Variants in DPP10 observed in about 807,000 individuals in gnomAD.
DPP10 encodes the protein dipeptidyl peptidase like 10.
In DPP10, 33 loss-of-function variants were observed where a neutral mutation model predicts 120.9. That is an observed-to-expected ratio of 0.27 (90% CI 0.21 to 0.37). The LOEUF (loss-of-function observed/expected upper bound fraction) is 0.37. Ranked by LOEUF, DPP10 falls within the 10% of genes least tolerant of loss-of-function variation. The pLI, the probability that DPP10 is intolerant of heterozygous loss-of-function variation, is 1.00. For missense variants in DPP10, 816 were observed against 942.8 expected (o/e 0.87, Z 1.76); for synonymous variants, 337 against 326.1 (o/e 1.03, Z -0.36).
chr2:115,069,034 A>G (rs1009659688), intron 1 of DPP10, among the ~76,000 whole-genome samples: 1 of 151,888 alleles, frequency 6.6e-6, no homozygotes, highest in Non-Finnish European at 1.5e-5. Flanking sequence ...ATTACTTTTG[A>G]CTGTTTGGAA....
At chr2:115,580,638 G>A (rs1411613559) in intron 5 of DPP10, among the ~76,000 whole-genome samples, 3 of 151,812 alleles carry the variant, frequency 2.0e-5, no homozygotes, top group African/African-American at 7.3e-5. Context: ...TCTATCTACT[G>A]GAATATTATT....
At chr2:115,430,164 G>A (rs111835691) in intron 3 of DPP10, among the ~76,000 whole-genome samples, 10,373 of 152,106 alleles carry the variant, frequency 0.068, 454 homozygotes, top group Middle Eastern at 0.13. Context: ...TTTTTAATGA[G>A]CAGATGATTG....
intron 1 of DPP10, among the ~76,000 whole-genome samples, chr2:114,711,206 A>G (rs1701007467): frequency 1.3e-5 from 2 of 152,206 alleles, no homozygotes; most frequent in Admixed American, 6.5e-5. Flanking sequence ...GGGCATAGAC[A>G]ATAATTGTAG....
chr2:114,478,384 G>A (rs927121337), intron 1 of DPP10, among the ~76,000 whole-genome samples: 4 of 152,048 alleles, frequency 2.6e-5, no homozygotes, highest in African/African-American at 9.6e-5. Context: ...CTGCAAACAT[G>A]CACCACAAGT....
chr2:114,920,173 AAACAATCTAGCACATCCCTCTGATC>A (rs1695098928), intron 1 of DPP10, among the ~76,000 whole-genome samples: 1 of 152,202 alleles, frequency 6.6e-6, no homozygotes. Flanking sequence ...GTTATCTTGG[AAACAATCTAGCACATCCCTCTGATC>A]ATCATCTGGT....
chr2:115,004,785 TG>T (rs1701695566), intron 1 of DPP10, among the ~76,000 whole-genome samples: 1 of 151,838 alleles, frequency 6.6e-6, no homozygotes, highest in Admixed American at 6.6e-5. Flanking sequence ...GCAGCGAGGC[TG>T]GGGGAGGGGC....
chr2:114,686,043 A>G (rs1260773171), intron 1 of DPP10, among the ~76,000 whole-genome samples: 5 of 151,916 alleles, frequency 3.3e-5, no homozygotes, highest in African/African-American at 1.2e-4. Context: ...TTTCCAGTAT[A>G]GGACATGAGC....
chr2:115,472,664 C>G (rs2074807894), intron 3 of DPP10, among the ~76,000 whole-genome samples: 1 of 152,132 alleles, frequency 6.6e-6, no homozygotes, highest in Non-Finnish European at 1.5e-5. Context: ...TGCCTACCTG[C>G]CCCATTCTAC....
chr2:114,560,641 C>A (rs1688695336), intron 1 of DPP10, among the ~76,000 whole-genome samples: 1 of 151,954 alleles, frequency 6.6e-6, no homozygotes. Context: ...ACTTTCCAGT[C>A]TCACTCTGCT....
chr2:115,064,980 T>C (rs981830854), intron 1 of DPP10, among the ~76,000 whole-genome samples: 3 of 152,202 alleles, frequency 2.0e-5, no homozygotes, highest in Non-Finnish European at 4.4e-5. Context: ...TGTATGTTTA[T>C]ATTATAATTT....
In DPP10 at chr2:114,771,522, G is replaced by A. The variant is rs974959605; in HGVS notation, c.60+328684G>A. ...CTAAGCAAAGTTAGCATGTGGTTGCGTCTTCAAAGAGCACAAACGATCTTG... is the reference window on the plus strand; with the variant it reads ...CTAAGCAAAGTTAGCATGTGGTTGCATCTTCAAAGAGCACAAACGATCTTG... On this transcript the variant is annotated intron_variant, in intron 1 of 25. Coordinates refer to ENST00000410059, the MANE Select transcript of DPP10 (RefSeq NM_020868.6). Among the ~76,000 whole-genome samples, 8 of 152,322 alleles carry A rather than the reference G, an allele frequency of 5.3e-5. No homozygotes were observed. The South Asian group carries it at 1.4e-3, about 28-fold the overall frequency.
At chr2:115,519,893 T>A (rs1035210108) in intron 4 of DPP10, among the ~76,000 whole-genome samples, 1 of 152,224 alleles carries the variant, frequency 6.6e-6, no homozygotes, top group African/African-American at 2.4e-5. Flanking sequence ...TTTCATAATA[T>A]ATACTTAATT....
intron 5 of DPP10, among the ~76,000 whole-genome samples, chr2:115,640,528 A>G (rs1315984666): frequency 2.0e-5 from 3 of 152,106 alleles, no homozygotes; most frequent in African/African-American, 7.2e-5. Flanking sequence ...GTTAATAAGT[A>G]AAACCTAATA....
intron 1 of DPP10, among the ~76,000 whole-genome samples, chr2:115,059,256 A>G (rs150703284): frequency 6.6e-6 from 1 of 152,142 alleles, no homozygotes; most frequent in Non-Finnish European, 1.5e-5. Context: ...CTACTTTAGC[A>G]TATTTTCTTA....
intron 3 of DPP10, among the ~76,000 whole-genome samples, chr2:115,479,748 G>T (rs1044598415): frequency 1.6e-4 from 24 of 152,068 alleles, no homozygotes; most frequent in Non-Finnish European, 5.9e-5. Context: ...TAGCCCCTCT[G>T]AAAGTCATCA....
chr2:114,571,451 T>C (rs1047003638), intron 1 of DPP10, among the ~76,000 whole-genome samples: 1 of 152,110 alleles, frequency 6.6e-6, no homozygotes, highest in African/African-American at 2.4e-5. Context: ...CGTGAGCCAA[T>C]TAAACCTCTT....
intron 3 of DPP10, among the ~76,000 whole-genome samples, chr2:115,365,126 T>G (rs1477026978): frequency 6.6e-6 from 1 of 152,118 alleles, no homozygotes; most frequent in Non-Finnish European, 1.5e-5. Context: ...ATATTTATGT[T>G]TAGATTCCTG....
At chr2:114,936,547 A>G (rs1696496188) in intron 1 of DPP10, among the ~76,000 whole-genome samples, 1 of 152,076 alleles carries the variant, frequency 6.6e-6, no homozygotes, top group African/African-American at 2.4e-5. Flanking sequence ...GTGTTGCTAT[A>G]AACATGCATG....
intron 1 of DPP10, among the ~76,000 whole-genome samples, chr2:114,968,566 C>T (rs553532066): frequency 1.1e-4 from 16 of 152,210 alleles, no homozygotes; most frequent in South Asian, 8.3e-4. Flanking sequence ...CATTTAGATG[C>T]TCTGCCATGT....
Sources: allele counts gnomAD v4.1 joint callset (sites outside exome capture counted in the v4.1 genomes callset), GRCh38; gene constraint gnomAD v4.1.1; transcripts MANE v1.5; gene names NCBI Gene and HGNC (gene_info 2026-07-23, HGNC 2026-07-21).